Variants in DCC observed in about 807,000 individuals in gnomAD.
DCC encodes netrin receptor DCC.
In DCC, 58 loss-of-function variants were observed where a neutral mutation model predicts 172.5. The observed-to-expected ratio is 0.34, with a 90% confidence interval of 0.27 to 0.42. DCC has a LOEUF of 0.42. Ranked by LOEUF, DCC falls within the 10% of genes least tolerant of loss-of-function variation. DCC has a pLI of 1.00. For synonymous variants in DCC, 709 were observed against 644.5 expected, an observed-to-expected ratio of 1.10 and a Z score of -1.52; for missense variants, 1,740 against 1,791.0, an observed-to-expected ratio of 0.97 and a Z score of 0.51.
At chr18:52,601,154 T>C (rs1043670608) in intron 1 of DCC, among the ~76,000 whole-genome samples, 1 of 152,124 alleles carries the variant, frequency 6.6e-6, no homozygotes, top group African/African-American at 2.4e-5. Context: ...GCTGTATTAA[T>C]TCAGTCATTT....
chr18:52,588,671 A>G (rs1055101508), intron 1 of DCC, among the ~76,000 whole-genome samples: 6 of 152,314 alleles, frequency 3.9e-5, no homozygotes, highest in African/African-American at 1.4e-4. Flanking sequence ...CTTCAAGGAC[A>G]GTTTTGGGGG....
chr18:52,829,578 G>C (rs377052302), intron 2 of DCC, among the ~76,000 whole-genome samples: 17 of 152,272 alleles, frequency 1.1e-4, no homozygotes, highest in African/African-American at 4.1e-4. Flanking sequence ...TTCTATTACA[G>C]TTCAAGAGTC....
At chr18:52,549,922 GGTAGAGCAT>G (rs1291472050) in intron 1 of DCC, among the ~76,000 whole-genome samples, 7 of 151,594 alleles carry the variant, frequency 4.6e-5, no homozygotes, top group African/African-American at 1.7e-4. Context: ...TTCTCAATGA[GGTAGAGCAT>G]GACTCTGCAC....
intron 1 of DCC, among the ~76,000 whole-genome samples, chr18:52,546,260 A>G (rs916543404): frequency 3.9e-5 from 6 of 152,124 alleles, no homozygotes; most frequent in African/African-American, 1.4e-4. Flanking sequence ...AAAACAGAGA[A>G]TAGGAGTGGT....
intron 1 of DCC, among the ~76,000 whole-genome samples, chr18:52,415,368 A>G (rs1273993308): frequency 2.6e-5 from 4 of 152,218 alleles, no homozygotes; most frequent in Admixed American, 2.6e-4. Flanking sequence ...GATATGTTCT[A>G]AGCCTGAAGG....
chr18:52,980,978 G>T (rs1401994901), intron 5 of DCC, among the ~76,000 whole-genome samples: 1 of 147,508 alleles, frequency 6.8e-6, no homozygotes, highest in East Asian at 2.0e-4. Context: ...CAACAATAAT[G>T]CCAGGAAGGT....
intron 2 of DCC, among the ~76,000 whole-genome samples, chr18:52,892,984 G>A (rs917655352): frequency 6.6e-6 from 1 of 151,906 alleles, no homozygotes. Flanking sequence ...GGATTTTATG[G>A]GGAGGAAAAA....
At chr18:52,487,094 G>C (rs1339118895) in intron 1 of DCC, among the ~76,000 whole-genome samples, 5 of 152,126 alleles carry the variant, frequency 3.3e-5, no homozygotes, top group Admixed American at 2.0e-4. Flanking sequence ...GGTGGAATGG[G>C]AAGTGTTGAA....
intron 5 of DCC, among the ~76,000 whole-genome samples, chr18:52,946,382 C>G (rs2040545364): frequency 6.6e-6 from 1 of 152,166 alleles, no homozygotes; most frequent in Admixed American, 6.5e-5. Flanking sequence ...GAGAAGCATA[C>G]TTCCTATTTC....
chr18:52,437,582 T>C (rs569403670), intron 1 of DCC, among the ~76,000 whole-genome samples: 126 of 152,196 alleles, frequency 8.3e-4, no homozygotes, highest in Non-Finnish European at 1.6e-3. Flanking sequence ...ATTCTGCAGA[T>C]AGGATTGTAC....
chr18:52,813,580 GTTAA>G (rs1318976679), intron 2 of DCC, among the ~76,000 whole-genome samples: 1 of 152,094 alleles, frequency 6.6e-6, no homozygotes, highest in Non-Finnish European at 1.5e-5. Flanking sequence ...ATGTGTGATG[GTTAA>G]TTGTGTGTGT....
intron 8 of DCC, among the ~76,000 whole-genome samples, chr18:53,172,407 C>T (rs2055026884): frequency 6.6e-6 from 1 of 151,480 alleles, no homozygotes; most frequent in African/African-American, 2.4e-5. Flanking sequence ...ATACCTCAAA[C>T]CACAGCATCA....
At chr18:52,568,335 T>C (rs1002806115) in intron 1 of DCC, among the ~76,000 whole-genome samples, 3 of 152,078 alleles carry the variant, frequency 2.0e-5, no homozygotes, top group African/African-American at 7.2e-5. Context: ...AACAAATGAA[T>C]GAAATAAATG....
chr18:52,992,376 T>A (rs1331637007), intron 5 of DCC, among the ~76,000 whole-genome samples: 1 of 152,170 alleles, frequency 6.6e-6, no homozygotes, highest in Non-Finnish European at 1.5e-5. Context: ...ATTTGTCTCA[T>A]CCTCTAGAAG....
chr18:52,939,486 T>C (rs1188734497), intron 5 of DCC, among the ~76,000 whole-genome samples: 1 of 151,474 alleles, frequency 6.6e-6, no homozygotes, highest in Non-Finnish European at 1.5e-5. Context: ...TTATGTACTG[T>C]TTTACTTACT....
intron 5 of DCC, among the ~76,000 whole-genome samples, chr18:52,933,976 G>A (rs1394213594): frequency 6.6e-6 from 1 of 152,048 alleles, no homozygotes; most frequent in Non-Finnish European, 1.5e-5. Context: ...GGTGTTCTGG[G>A]AAATAAAGTA....
At chr18:52,911,993 G>A (rs950526972) in intron 3 of DCC, among the ~76,000 whole-genome samples, 1 of 151,862 alleles carries the variant, frequency 6.6e-6, no homozygotes, top group African/African-American at 2.4e-5. Context: ...GAAAAGGTCT[G>A]CATATGGACT....
intron 23 of DCC, among the ~76,000 whole-genome samples, chr18:53,455,960 G>A (rs2045477701): frequency 6.6e-6 from 1 of 152,188 alleles, no homozygotes; most frequent in South Asian, 2.1e-4. Flanking sequence ...AAATAAATAA[G>A]TGTTGTAAAA....
intron 2 of DCC, among the ~76,000 whole-genome samples, chr18:52,776,932 G>A (rs1180207561): frequency 5.3e-5 from 8 of 152,128 alleles, no homozygotes; most frequent in East Asian, 1.9e-4. Context: ...TTGTAACCAC[G>A]TATCCAAGAG....
Sources: gnomAD v4.1 joint callset for allele counts (sites outside exome capture counted in the v4.1 genomes callset) on GRCh38, gnomAD v4.1.1 for gene constraint, MANE v1.5 for transcripts, NCBI Gene and HGNC (gene_info 2026-07-23, HGNC 2026-07-21) for gene names.